The following SYNPO2 variants were observed in gnomAD, a reference collection of about 807,000 sequenced individuals.
SYNPO2 encodes the protein synaptopodin-2.
Under a neutral mutation model 85.0 loss-of-function variants are expected in SYNPO2, and 56 were observed. That is an observed-to-expected ratio of 0.66 (90% confidence interval 0.53 to 0.82). The LOEUF (loss-of-function observed/expected upper bound fraction) is 0.82. SYNPO2 is among the 40% of genes least tolerant of loss of function. The pLI, the probability that SYNPO2 is intolerant of heterozygous loss-of-function variation, is 0.00. For synonymous variants in SYNPO2, 602 were observed against 591.1 expected (o/e 1.02, Z -0.27); for missense variants, 1,575 against 1,534.2 (o/e 1.03, Z -0.44).
chr4:118,852,415 C>T (rs1300211088), intron 1 of SYNPO2, among the ~76,000 whole-genome samples: 2 of 152,138 alleles, frequency 1.3e-5, no homozygotes, highest in Non-Finnish European at 1.5e-5. Flanking sequence ...AAGAAACACG[C>T]ACACGTATGT....
intron 4 of SYNPO2, among the ~76,000 whole-genome samples, chr4:119,054,174 A>G (rs2149201477): frequency 6.6e-6 from 1 of 152,216 alleles, no homozygotes; most frequent in East Asian, 1.9e-4. Context: ...GCAGGAGCAG[A>G]CTTCATGTGT....
intron 1 of SYNPO2, among the ~76,000 whole-genome samples, chr4:118,931,971 T>C (rs553688321): frequency 6.6e-6 from 1 of 152,346 alleles, no homozygotes; most frequent in South Asian, 2.1e-4. Context: ...AAATTTCTAC[T>C]TGTTTTAAAC....
chr4:119,031,357 C>T lies in SYNPO2; in HGVS notation c.2582C>T (p.Pro861Leu). The change falls in exon 4 of 5, where the codon CCA (proline) becomes CTA (leucine). Residue 861 changes from proline (P) to leucine (L), a missense_variant. This residue lies in a region of SYNPO2 where 1,508 missense variants were observed against 1,446.8 expected (regional missense o/e 1.04). Transcript: ENST00000307142. ...VNAVQPGAVG[P>L]SNELPGMSGR... Reference sequence around the variant, plus strand: ...GCTGTTCAGCCTGGTGCAGTGGGACCATCCAATGAGCTTCCAGGAATGAGT... The same window carrying T: ...GCTGTTCAGCCTGGTGCAGTGGGACTATCCAATGAGCTTCCAGGAATGAGT... 5.0e-6 allele frequency: 8 copies of T among 1,614,124 alleles called. No individual in the cohort carries two copies. Among genetic ancestry groups the T allele is most frequent in the Non-Finnish European group, 6.8e-6 (8 of 1,180,020 alleles).
chr4:119,031,699 C>T lies in SYNPO2; in HGVS notation c.2924C>T (p.Ser975Phe), dbSNP rs1344484277. The change falls in exon 4 of 5, where the codon TCC (serine) becomes TTC (phenylalanine). Residue 975 changes from serine to phenylalanine, a missense_variant. By Grantham distance (155) the Ser-to-Phe change is radical. Transcript: ENST00000307142. ...MKHQPYQLNA[S>F]LFTFQPPDAK... is the part of the protein sequence containing the mutation. ...CACCAACCGTATCAGCTCAATGCAT[C>T]CTTGTTTACTTTCCAACCTCCAGAT... 6.2e-7 allele frequency: 1 copy of T among 1,614,204 alleles called. No homozygotes were observed. Among genetic ancestry groups the T allele is most frequent in the South Asian group, 1.1e-5 (1 of 91,086 alleles).
At chr4:118,937,367 G>A (rs1684790926) in intron 1 of SYNPO2, among the ~76,000 whole-genome samples, 2 of 152,048 alleles carry the variant, frequency 1.3e-5, no homozygotes, top group South Asian at 4.1e-4. Context: ...CTCTTTGCCT[G>A]ACAAACTCCT....
intron 1 of SYNPO2, among the ~76,000 whole-genome samples, chr4:118,892,620 A>G (rs1054229801): frequency 6.6e-6 from 1 of 152,128 alleles, no homozygotes; most frequent in Non-Finnish European, 1.5e-5. Context: ...TTTTTGTTTT[A>G]CAAAAAATCT....
At chr4:118,919,334 C>A (rs573613519) in intron 1 of SYNPO2, among the ~76,000 whole-genome samples, 2 of 152,210 alleles carry the variant, frequency 1.3e-5, no homozygotes, top group South Asian at 4.2e-4. Context: ...GCTGAAACCT[C>A]TTTGTAGTCA....
At chr4:119,052,456 G>A (rs151317459) in intron 4 of SYNPO2, among the ~76,000 whole-genome samples, 3 of 152,312 alleles carry the variant, frequency 2.0e-5, no homozygotes, top group African/African-American at 7.2e-5. Context: ...CCATAAAAAT[G>A]TCCCTCTCTG....
chr4:119,011,035 G>T lies in SYNPO2; in HGVS notation c.106-12395G>T, dbSNP rs1277062705. Among the ~76,000 whole-genome samples, 9 of 152,314 alleles carry T rather than the reference G, an allele frequency of 5.9e-5. No individual in the cohort carries two copies. In the East Asian group the frequency reaches 1.5e-3, roughly 26 times the overall value. On this transcript the variant is annotated intron_variant, in intron 1 of 4. Coordinates refer to ENST00000307142, the MANE Select transcript of SYNPO2 (RefSeq NM_133477.3). ...TCTCCTCAATCTGAAATAAATAGGA[G>T]AACTATTAGTCAATCGCAGCAGGGA...
Position 119,027,059 on chromosome 4 carries a change from C to T in SYNPO2, c.690C>T (p.Asp230=). The T allele has an allele frequency of 6.2e-7, 1 of 1,614,148 alleles. No individual in the cohort carries two copies. The highest frequency in any genetic ancestry group is 8.5e-7 in the Non-Finnish European group (1 of 1,180,040). ...GAEKSKSPDP[D]PNLSHDRIVH... The stretch of plus-strand genomic sequence containing the variant: ...AAAAATCTAAGTCTCCTGACCCAGA[C>T]CCTAACTTGTCACATGACAGGATTG... Residue 230 remains aspartate (D), a synonymous_variant, in exon 3 of 5, where the codon GAC becomes GAT. Coordinates refer to ENST00000307142, the MANE Select transcript of SYNPO2 (RefSeq NM_133477.3).
chr4:118,995,993 C>T (rs181148260), intron 1 of SYNPO2, among the ~76,000 whole-genome samples: 2 of 152,164 alleles, frequency 1.3e-5, no homozygotes, highest in East Asian at 1.9e-4. Context: ...AAACACAATC[C>T]GATCCAGGCT....
At chr4:119,044,342 A>G (rs545213721) in intron 4 of SYNPO2, among the ~76,000 whole-genome samples, 11 of 152,242 alleles carry the variant, frequency 7.2e-5, no homozygotes, top group Non-Finnish European at 1.2e-4. Flanking sequence ...CTCTAAAATG[A>G]AATGACATAC....
At chr4:118,910,713 T>TTG (rs150615800) in intron 1 of SYNPO2, among the ~76,000 whole-genome samples, 7 of 151,096 alleles carry the variant, frequency 4.6e-5, no homozygotes, top group Admixed American at 4.6e-4. Flanking sequence ...GAGTGTGTGT[T>TTG]TGTGTGTGTG....
rs148861017 is a variant in SYNPO2, at chr4:119,033,068, G to A, written c.3252+1041G>A. 3,525 of 985,220 alleles carry A rather than the reference G, an allele frequency of 3.6e-3. 8 individuals are homozygous for A. Among genetic ancestry groups the A allele is most frequent in the South Asian group, 5.4e-3 (115 of 21,266 alleles). 61.0% of individuals were successfully genotyped at this position (985,220 alleles called of 1,614,324 possible). On this transcript the variant is annotated intron_variant, in intron 4 of 4. Transcript: ENST00000307142. ...CGAAGTAACATGTAAAAGGCAGGAC[G>A]CACATAAAGGTGTACATGGCTATTG...
intron 1 of SYNPO2, among the ~76,000 whole-genome samples, chr4:118,973,131 G>A (rs988592076): frequency 2.0e-5 from 3 of 151,992 alleles, no homozygotes; most frequent in East Asian, 1.9e-4. Context: ...AGTGAAAAAC[G>A]TTTGAATTTT....
intron 1 of SYNPO2, among the ~76,000 whole-genome samples, chr4:118,937,205 G>A (rs1030537424): frequency 1.3e-5 from 2 of 152,102 alleles, no homozygotes; most frequent in Admixed American, 6.6e-5. Flanking sequence ...GCAAGGCCCC[G>A]CCTACATGTC....
intron 4 of SYNPO2, among the ~76,000 whole-genome samples, chr4:119,048,586 G>T (rs954675689): frequency 1.3e-5 from 2 of 152,118 alleles, no homozygotes; most frequent in Non-Finnish European, 2.9e-5. Context: ...GAGAGGGAGG[G>T]AATTGCCAAG....
At chr4:118,863,812 A>G (rs979158611) in intron 1 of SYNPO2, among the ~76,000 whole-genome samples, 1 of 152,084 alleles carries the variant, frequency 6.6e-6, no homozygotes, top group Non-Finnish European at 1.5e-5. Flanking sequence ...GGGTTTTTCC[A>G]TGTTGACCAG....
chr4:118,930,320 A>G (rs377708799), intron 1 of SYNPO2, among the ~76,000 whole-genome samples: 83 of 152,314 alleles, frequency 5.4e-4, no homozygotes, highest in African/African-American at 1.9e-3. Context: ...ACTTTTTGTC[A>G]GTTGTTCTAG....
Sources: gnomAD v4.1 joint callset for allele counts (sites outside exome capture counted in the v4.1 genomes callset) on GRCh38, gnomAD v4.1.1 for gene constraint, gnomAD v4.1.1 regional missense constraint, MANE v1.5 for transcripts, NCBI Gene and HGNC (gene_info 2026-07-23, HGNC 2026-07-21) for gene names.